UBAP1: variants seen among roughly 807,000 people sequenced by gnomAD.
UBAP1 encodes the protein ubiquitin-associated protein 1.
In UBAP1, 5 loss-of-function variants were observed where a neutral mutation model predicts 39.0. The observed-to-expected ratio is 0.13, with a 90% CI of 0.07 to 0.27. UBAP1 has a LOEUF of 0.27. Ranked by LOEUF, UBAP1 falls within the 10% of genes least tolerant of loss-of-function variation. The pLI, the probability that UBAP1 is intolerant of heterozygous loss-of-function variation, is 1.00. For missense variants in UBAP1, 490 were observed against 608.1 expected (o/e 0.81, Z 2.04); for synonymous variants, 211 against 225.1 (o/e 0.94, Z 0.56).
intron 5 of UBAP1, 124 bp downstream of exon 5, chr9:34,250,085 C>CG: frequency 1.9e-6 from 2 of 1,039,064 alleles, no homozygotes; most frequent in Non-Finnish European, 2.8e-6. Context: ...TGTGAGGACA[C>CG]GGGGCATGTT....
intron 1 of UBAP1, chr9:34,201,482 T>C (rs1831366878): frequency 6.6e-6 from 1 of 152,198 alleles, no homozygotes; most frequent in Admixed American, 6.6e-5. Context: ...AGGCAGAGGT[T>C]GCAGTGAGCT....
At chr9:34,184,035 G>T (rs989349278) in intron 1 of UBAP1, among the ~76,000 whole-genome samples, 2 of 151,950 alleles carry the variant, frequency 1.3e-5, no homozygotes, top group African/African-American at 4.8e-5. Context: ...CTCCCAAAGT[G>T]CTGGGATTAC....
In UBAP1 at chr9:34,200,852, G is replaced by T. The variant is rs1374607411; in HGVS notation, c.-7-20056G>T. Among the ~76,000 whole-genome samples the T allele has an allele frequency of 4.6e-5, 7 of 151,836 alleles. No individual in the cohort carries two copies. The East Asian group carries it at 1.4e-3, about 29-fold the overall frequency. On this transcript the variant is annotated intron_variant, in intron 1 of 6. Coordinates refer to ENST00000297661, the MANE Select transcript of UBAP1 (RefSeq NM_016525.5). ...GATATATATTCCTAAATAATATATT[G>T]TTTATTTTTGCTTAATTGTGAGCTT...
In UBAP1 at chr9:34,218,250, C is replaced by CAAAAAA. The variant is rs758443973; in HGVS notation, c.-7-2619_-7-2614dup. Reference sequence around the variant, plus strand: ...CTGGTGACAGAGCGAGACTCCATCTCAAAAAAAAAAAAAAAAAAAAAAAAA... The same window carrying CAAAAAA: ...CTGGTGACAGAGCGAGACTCCATCTCAAAAAAAAAAAAAAAAAAAAAAAAAAAAAAA... On this transcript the variant is annotated intron_variant, in intron 1 of 6. Coordinates refer to ENST00000297661, the MANE Select transcript of UBAP1 (RefSeq NM_016525.5). Among the ~76,000 whole-genome samples the CAAAAAA allele has an allele frequency of 4.2e-4, 21 of 49,524 alleles. 1 individual carries two copies. Among genetic ancestry groups the CAAAAAA allele is most frequent in the Admixed American group, 8.9e-4 (3 of 3,360 alleles). The allele number at this position is 49,524 out of a possible 152,430, so 32.5% of individuals were successfully genotyped here.
chr9:34,221,059 G>A (rs1832729240), intron 2 of UBAP1, 111 bp downstream of exon 2: 11 of 916,468 alleles, frequency 1.2e-5, no homozygotes, highest in Non-Finnish European at 1.9e-5. Context: ...TTAATGAACA[G>A]CTTGACAAAA....
At chr9:34,230,922 A>G (rs1833372291) in intron 2 of UBAP1, among the ~76,000 whole-genome samples, 1 of 152,056 alleles carries the variant, frequency 6.6e-6, no homozygotes, top group Non-Finnish European at 1.5e-5. Flanking sequence ...TCATGCTTGT[A>G]ATCCCAGCAA....
At chr9:34,222,955 A>G (rs1832840439) in intron 2 of UBAP1, among the ~76,000 whole-genome samples, 1 of 152,196 alleles carries the variant, frequency 6.6e-6, no homozygotes, top group Admixed American at 6.6e-5. Flanking sequence ...AATAGCAAAA[A>G]TGAAAAATTT....
intron 1 of UBAP1, among the ~76,000 whole-genome samples, chr9:34,204,611 A>C (rs1831584372): frequency 6.6e-6 from 1 of 152,176 alleles, no homozygotes. Flanking sequence ...CTAGTCCTTT[A>C]ATTCTGGAAA....
chr9:34,190,382 T>C (rs920790374), intron 1 of UBAP1, among the ~76,000 whole-genome samples: 6 of 152,072 alleles, frequency 3.9e-5, no homozygotes, highest in African/African-American at 1.4e-4. Flanking sequence ...CTCTGCCTCC[T>C]GGGTCCAAGC....
chr9:34,226,395 C>A (rs1182080793), intron 2 of UBAP1, among the ~76,000 whole-genome samples: 1 of 152,022 alleles, frequency 6.6e-6, no homozygotes, highest in Non-Finnish European at 1.5e-5. Context: ...CACCACCATG[C>A]CTGGCTAATT....
In UBAP1 at chr9:34,232,869, C is replaced by T. The variant is rs189160154; in HGVS notation, c.35-1347C>T. ...TATTTTATCAACTGTATTTCATTGT[C>T]CACAATGGTTCTGCCTGTAAATTAG... On this transcript the variant is annotated intron_variant, in intron 2 of 6. Coordinates refer to ENST00000297661, the MANE Select transcript of UBAP1 (RefSeq NM_016525.5). Among the ~76,000 whole-genome samples the T allele has an allele frequency of 9.3e-4, 142 of 152,276 alleles. 2 individuals are homozygous for T. Among genetic ancestry groups the T allele is most frequent in the Admixed American group, 8.8e-3 (135 of 15,280 alleles).
chr9:34,223,570 TA>T (rs1377835438), intron 2 of UBAP1, among the ~76,000 whole-genome samples: 1 of 152,116 alleles, frequency 6.6e-6, no homozygotes, highest in African/African-American at 2.4e-5. Flanking sequence ...TTCTCTGCCT[TA>T]GCCTCCCGAG....
chr9:34,238,314 A>G (rs1833802794), intron 3 of UBAP1, among the ~76,000 whole-genome samples: 1 of 152,226 alleles, frequency 6.6e-6, no homozygotes, highest in African/African-American at 2.4e-5. Flanking sequence ...ATGAATAATG[A>G]TGCTCTGAAC....
chr9:34,220,954 T>C lies in UBAP1; in HGVS notation c.34+6T>C. The stretch of plus-strand genomic sequence containing the variant: ...GTTGGGTGCAGATTTTCATGGTAAG[T>C]GGACTATTAGAATCATGGTTTAAGT... On this transcript the variant is annotated splice_donor_region_variant and intron_variant, in intron 2 of 6. Coordinates refer to ENST00000297661, the MANE Select transcript of UBAP1 (RefSeq NM_016525.5). The C allele has an allele frequency of 6.2e-7, 1 of 1,611,814 alleles. No individual in the cohort carries two copies. Among genetic ancestry groups the C allele is most frequent in the Non-Finnish European group, 8.5e-7 (1 of 1,178,142 alleles).
At chr9:34,190,294 T>C (rs567322874) in intron 1 of UBAP1, among the ~76,000 whole-genome samples, 121 of 152,304 alleles carry the variant, frequency 7.9e-4, no homozygotes, top group African/African-American at 2.8e-3. Flanking sequence ...GTTCTTGTAA[T>C]TTATTTATTT....
chr9:34,235,988 G>A (rs551891122), intron 3 of UBAP1, among the ~76,000 whole-genome samples: 2 of 151,996 alleles, frequency 1.3e-5, no homozygotes, highest in African/African-American at 4.8e-5. Flanking sequence ...AGCCTTCTAA[G>A]TAGCTGGGAT....
chr9:34,206,889 A>G (rs559703667), intron 1 of UBAP1, among the ~76,000 whole-genome samples: 1 of 152,116 alleles, frequency 6.6e-6, no homozygotes, highest in East Asian at 1.9e-4. Flanking sequence ...TATTTTGGGT[A>G]TTTTTAGGGA....
intron 1 of UBAP1, among the ~76,000 whole-genome samples, chr9:34,182,054 C>T (rs1830068621): frequency 6.7e-6 from 1 of 149,938 alleles, no homozygotes; most frequent in Non-Finnish European, 1.5e-5. Context: ...CCACCACAGC[C>T]TCCCAAACTG....
At chr9:34,181,731 C>CTTTT (rs547723861) in intron 1 of UBAP1, among the ~76,000 whole-genome samples, 1 of 119,814 alleles carries the variant, frequency 8.3e-6, no homozygotes, top group Non-Finnish European at 1.7e-5. Flanking sequence ...CGTGCCAGGC[C>CTTTT]TTTTTTTTTT....
Sources: allele counts gnomAD v4.1 joint callset (sites outside exome capture counted in the v4.1 genomes callset), GRCh38; gene constraint gnomAD v4.1.1; transcripts MANE v1.5; gene names NCBI Gene and HGNC (gene_info 2026-07-23, HGNC 2026-07-21).